Variants in METTL16 observed in about 807,000 individuals in gnomAD.
METTL16 encodes methyltransferase 16, RNA N6-adenosine.
METTL16 carries 19 observed loss-of-function variants against 57.9 expected under a neutral mutation model. The ratio of observed to expected loss-of-function variants is 0.33; its 90% CI spans 0.23 to 0.48. The LOEUF (loss-of-function observed/expected upper bound fraction) is 0.48. METTL16 is among the 20% of genes least tolerant of loss of function. The pLI is 0.99. For missense variants in METTL16, 434 were observed against 691.5 expected (o/e 0.63, Z 4.18); for synonymous variants, 246 against 255.6 (o/e 0.96, Z 0.36).
intron 2 of METTL16, among the ~76,000 whole-genome samples, chr17:2,491,876 CA>C (rs1171788438): frequency 0.02 from 1,063 of 53,642 alleles, 5 homozygotes; most frequent in East Asian, 0.056. Flanking sequence ...CACCGTCTCA[CA>C]AAAAAAAAAA....
intron 2 of METTL16, among the ~76,000 whole-genome samples, chr17:2,491,876 CAA>C (rs1171788438): frequency 2.6e-4 from 14 of 53,624 alleles, no homozygotes; most frequent in Non-Finnish European, 3.1e-4. Flanking sequence ...CACCGTCTCA[CAA>C]AAAAAAAAAA....
chr17:2,511,887 G>A lies in METTL16; in HGVS notation c.-129C>T, dbSNP rs990821283. 5.0e-6 allele frequency: 2 copies of A among 398,634 alleles called. No homozygotes were observed. The highest frequency in any genetic ancestry group is 8.8e-6 in the Non-Finnish European group (2 of 226,142). The allele number at this position is 398,634 out of a possible 1,614,324, so 24.7% of individuals were successfully genotyped here. On this transcript the variant is annotated 5_prime_UTR_variant, in exon 1 of 10. Coordinates refer to ENST00000263092, the MANE Select transcript of METTL16 (RefSeq NM_024086.4). The stretch of plus-strand genomic sequence containing the variant: ...TACGCTCCCAGCGCGCCGCCATCTT[G>A]TGAAGCCATCTAGCCTCGTGATTGG...
intron 2 of METTL16, among the ~76,000 whole-genome samples, chr17:2,495,408 T>G (rs2067436002): frequency 6.6e-6 from 1 of 151,976 alleles, no homozygotes; most frequent in African/African-American, 2.4e-5. Context: ...ATGAAAAAGA[T>G]GATTTCGGCT....
intron 2 of METTL16, among the ~76,000 whole-genome samples, chr17:2,492,379 C>T (rs1380827367): frequency 6.6e-6 from 1 of 152,094 alleles, no homozygotes; most frequent in Non-Finnish European, 1.5e-5. Context: ...TATAACAAAG[C>T]AGTGACATGC....
chr17:2,454,583 G>A (rs1205267716), intron 6 of METTL16, among the ~76,000 whole-genome samples: 1 of 47,032 alleles, frequency 2.1e-5, no homozygotes, highest in South Asian at 6.3e-4. Flanking sequence ...TTTTTTTTTT[G>A]AGACGGAGTC....
Position 2,419,272 on chromosome 17 carries a change from C to A in METTL16, c.*698G>T. 1 of 181,276 alleles carries A rather than the reference C, an allele frequency of 5.5e-6. No individual in the cohort carries two copies. Among genetic ancestry groups the A allele is most frequent in the Non-Finnish European group, 1.2e-5 (1 of 84,964 alleles). 11.2% of individuals were successfully genotyped at this position (181,276 alleles called of 1,614,324 possible). On this transcript the variant is annotated 3_prime_UTR_variant, in exon 10 of 10. Transcript: ENST00000263092. ...GCTACAAAATGGTACTGTCAACAGG[C>A]TGGAGGTGGGGGTATGGGTGCCTTC...
intron 7 of METTL16, among the ~76,000 whole-genome samples, chr17:2,440,257 T>C (rs1053550872): frequency 6.6e-6 from 1 of 151,852 alleles, no homozygotes; most frequent in African/African-American, 2.4e-5. Flanking sequence ...ACACCATCTT[T>C]TTTTTTTTTT....
chr17:2,447,726 G>A (rs1597448237), intron 6 of METTL16, among the ~76,000 whole-genome samples: 1 of 141,762 alleles, frequency 7.1e-6, no homozygotes. Flanking sequence ...CCCCCCGCCC[G>A]GCCAGCCGCC....
intron 3 of METTL16, among the ~76,000 whole-genome samples, chr17:2,476,670 T>C (rs905720076): frequency 1.3e-5 from 2 of 152,296 alleles, no homozygotes; most frequent in East Asian, 1.9e-4. Context: ...CAGTTAGAAA[T>C]AGAGGCTGGG....
Position 2,440,254 on chromosome 17 carries a change from CT to C in METTL16, c.798+1235del, listed in dbSNP as rs918963469. The stretch of plus-strand genomic sequence containing the variant: ...TCTGGTTGACAGAGCAAGACACCAT[CT>C]TTTTTTTTTTTTGAGACGGAGTCTC... On this transcript the variant is annotated intron_variant, in intron 7 of 9. Coordinates refer to ENST00000263092, the MANE Select transcript of METTL16 (RefSeq NM_024086.4). Among the ~76,000 whole-genome samples, 187 of 145,958 alleles carry C rather than the reference CT, an allele frequency of 1.3e-3. 1 individual carries two copies. The highest frequency in any genetic ancestry group is 1.8e-3 in the Admixed American group (26 of 14,558).
In METTL16 at chr17:2,511,739, G is replaced by A; in HGVS notation, c.-1+20C>T. The A allele has an allele frequency of 2.5e-6, 1 of 398,174 alleles. No individual in the cohort carries two copies. The highest frequency in any genetic ancestry group is 3.6e-5 in the East Asian group (1 of 28,044). The allele number at this position is 398,174 out of a possible 1,614,324, so 24.7% of individuals were successfully genotyped here. A position where few individuals can be genotyped will look rare whatever the true frequency, so the allele number is the denominator to read the frequency against. ...GTGACCCATGATAGTAAATCTGCGTGAGAGATATAAGTGACCCACCTCTGA... is the reference window on the plus strand; with the variant it reads ...GTGACCCATGATAGTAAATCTGCGTAAGAGATATAAGTGACCCACCTCTGA... On this transcript the variant is annotated intron_variant, in intron 1 of 9. Transcript: ENST00000263092.
intron 6 of METTL16, among the ~76,000 whole-genome samples, chr17:2,453,758 C>T (rs990454745): frequency 7.2e-5 from 11 of 152,146 alleles, no homozygotes; most frequent in Admixed American, 2.0e-4. Context: ...CCTCTAAAAT[C>T]ACCAATTAGG....
chr17:2,488,083 G>A (rs1366800356), intron 2 of METTL16, among the ~76,000 whole-genome samples: 2 of 151,670 alleles, frequency 1.3e-5, no homozygotes, highest in Admixed American at 1.3e-4. Context: ...TCTAAAAAAT[G>A]AAAAAAACCT....
intron 8 of METTL16, among the ~76,000 whole-genome samples, chr17:2,426,993 AAG>A (rs1491216541): frequency 2.0e-5 from 3 of 151,328 alleles, no homozygotes; most frequent in African/African-American, 7.3e-5. Flanking sequence ...AAAAAAAAAA[AAG>A]AGCCGGGCAT....
chr17:2,429,266 G>T (rs1165594899), intron 8 of METTL16, among the ~76,000 whole-genome samples: 1 of 142,526 alleles, frequency 7.0e-6, no homozygotes, highest in Non-Finnish European at 1.5e-5. Context: ...TTGGCTCACT[G>T]CAACCTCCAC....
rs752610348 is a variant in METTL16 at position 2,420,124 on chromosome 17, C to G, written c.1535G>C (p.Gly512Ala). Residue 512 changes from glycine to alanine, a missense_variant, in exon 10 of 10, where the codon GGA becomes GCA. By Grantham distance (60) the Gly-to-Ala change is moderately conservative (BLOSUM62 0). This residue lies in a region of METTL16 where 168 missense variants were observed against 149.6 expected (regional missense o/e 1.12). Transcript: ENST00000263092. This position sits in a 1 kb window ranked among gnomAD's most constrained non-coding sequence, Gnocchi z 5.4. ...ERGKRLPGVA[G>A]QYLFKCLINV... The stretch of plus-strand genomic sequence containing the variant: ...TATCAAACACTTAAACAGGTACTGT[C>G]CGGCCACTCCTGGGAGACGTTTCCC... 2.1e-5 allele frequency: 34 copies of G among 1,614,134 alleles called. No homozygotes were observed. The highest frequency in any genetic ancestry group is 2.9e-5 in the Non-Finnish European group (34 of 1,180,060).
At chr17:2,510,390 C>A (rs1212302776) in intron 1 of METTL16, among the ~76,000 whole-genome samples, 1 of 152,194 alleles carries the variant, frequency 6.6e-6, no homozygotes, top group African/African-American at 2.4e-5. Context: ...GAGACAGTGG[C>A]ATGTTAGGGC....
At chr17:2,428,564 A>AAATATAT (rs2066840100) in intron 8 of METTL16, among the ~76,000 whole-genome samples, 1 of 31,336 alleles carries the variant, frequency 3.2e-5, no homozygotes, top group Non-Finnish European at 5.0e-5. Context: ...AAAAAAAAAA[A>AAATATAT]ATATATATAT....
In METTL16 at chr17:2,482,449, A is replaced by G. The variant is rs73300215; in HGVS notation, c.129-4564T>C. Among the ~76,000 whole-genome samples the G allele has an allele frequency of 8.8e-3, 1,335 of 152,338 alleles. 17 individuals carry two copies. Among genetic ancestry groups the G allele is most frequent in the African/African-American group, 0.03 (1,256 of 41,576 alleles). ...GAAAACACCTGTGAACCGTGGCTAC[A>G]TAATAAAATGTAAGTGTTTACAAAC... is the stretch of plus-strand genomic sequence containing the variant. On this transcript the variant is annotated intron_variant, in intron 2 of 9. Transcript: ENST00000263092.
Sources: allele counts gnomAD v4.1 joint callset (sites outside exome capture counted in the v4.1 genomes callset), GRCh38; gene constraint gnomAD v4.1.1; regional missense constraint gnomAD v4.1.1; non-coding constraint Gnocchi (gnomAD v3.1); transcripts MANE v1.5; gene names NCBI Gene and HGNC (gene_info 2026-07-23, HGNC 2026-07-21).